The following FKBP5 variants were observed in gnomAD, a reference collection of about 807,000 sequenced individuals.
The protein encoded by FKBP5 is peptidyl-prolyl cis-trans isomerase FKBP5.
FKBP5 carries 23 observed loss-of-function variants against 50.5 expected under a neutral mutation model. The ratio of observed to expected loss-of-function variants is 0.46; its 90% CI spans 0.33 to 0.65. The LOEUF is 0.65. FKBP5 is among the 30% of genes least tolerant of loss of function. FKBP5 has a pLI of 0.02. For synonymous variants in FKBP5, 176 were observed against 190.6 expected, an observed-to-expected ratio of 0.92 and a Z score of 0.63; for missense variants, 411 against 553.1, an observed-to-expected ratio of 0.74 and a Z score of 2.58.
intron 3 of FKBP5, among the ~76,000 whole-genome samples, chr6:35,635,162 C>T (rs1363623058): frequency 6.6e-6 from 1 of 151,766 alleles, no homozygotes; most frequent in Admixed American, 6.6e-5. Context: ...TGGCAAAGCC[C>T]CATCTCTACA....
intron 5 of FKBP5, among the ~76,000 whole-genome samples, chr6:35,601,788 C>G (rs1199518946): frequency 6.6e-6 from 1 of 152,056 alleles, no homozygotes. Context: ...CTATGACATG[C>G]CCAAAGAGAA....
At chr6:35,614,094 A>G (rs1479094392) in intron 5 of FKBP5, among the ~76,000 whole-genome samples, 1 of 152,260 alleles carries the variant, frequency 6.6e-6, no homozygotes, top group South Asian at 2.1e-4. Flanking sequence ...CAAGGTCTCT[A>G]TGTTGCTCAG....
intron 5 of FKBP5, among the ~76,000 whole-genome samples, chr6:35,599,685 G>A (rs1262461994): frequency 6.6e-6 from 1 of 152,130 alleles, no homozygotes; most frequent in Admixed American, 6.5e-5. Flanking sequence ...CCAAACAAGG[G>A]CTAGAGTTGG....
chr6:35,726,681 T>A (rs1010768407), intron 1 of FKBP5, among the ~76,000 whole-genome samples: 2 of 152,142 alleles, frequency 1.3e-5, no homozygotes, highest in African/African-American at 4.8e-5. Context: ...ACACATTTGG[T>A]ACTCACCACC....
chr6:35,625,750 C>G (rs1763976999), intron 3 of FKBP5, among the ~76,000 whole-genome samples: 1 of 148,890 alleles, frequency 6.7e-6, no homozygotes, highest in Middle Eastern at 3.3e-3. Flanking sequence ...AAAAACACAC[C>G]AAGAATACAT....
chr6:35,696,511 C>A (rs78535242), intron 2 of FKBP5, among the ~76,000 whole-genome samples: 5 of 133,188 alleles, frequency 3.8e-5, no homozygotes, highest in African/African-American at 8.4e-5. Context: ...GACTCTGTCT[C>A]AAAAAAAAAA....
chr6:35,604,291 G>A (rs966035923), intron 5 of FKBP5, among the ~76,000 whole-genome samples: 1 of 152,132 alleles, frequency 6.6e-6, no homozygotes, highest in South Asian at 2.1e-4. Flanking sequence ...TTACAAGCGT[G>A]AGCCACCATG....
At chr6:35,629,874 C>A (rs376076289) in intron 3 of FKBP5, among the ~76,000 whole-genome samples, 1 of 152,284 alleles carries the variant, frequency 6.6e-6, no homozygotes, top group South Asian at 2.1e-4. Flanking sequence ...CTGGCTCACA[C>A]TTTTGGGGAC....
intron 1 of FKBP5, among the ~76,000 whole-genome samples, chr6:35,666,394 TAAAA>T (rs550878351): frequency 0.012 from 398 of 33,256 alleles, 9 homozygotes; most frequent in South Asian, 0.02. Context: ...CTATTATAGT[TAAAA>T]AAAAAAAAAA....
chr6:35,686,607 G>T (rs542390259), intron 1 of FKBP5, among the ~76,000 whole-genome samples: 2 of 152,192 alleles, frequency 1.3e-5, no homozygotes, highest in African/African-American at 4.8e-5. Context: ...ATGAATTATT[G>T]TTCAACCTAT....
chr6:35,581,562 C>T (rs1167959828), intron 8 of FKBP5: 3 of 984,306 alleles, frequency 3.0e-6, no homozygotes, highest in African/African-American at 3.5e-5. Context: ...TGCACTCCAG[C>T]CTGGGTGACA....
chr6:35,601,426 G>A (rs574333478), intron 5 of FKBP5, among the ~76,000 whole-genome samples: 1 of 152,306 alleles, frequency 6.6e-6, no homozygotes, highest in South Asian at 2.1e-4. Flanking sequence ...AAAGTTCTAC[G>A]AGACTGCTGA....
intron 3 of FKBP5, among the ~76,000 whole-genome samples, chr6:35,624,812 G>T (rs897979825): frequency 6.6e-6 from 1 of 152,090 alleles, no homozygotes; most frequent in African/African-American, 2.4e-5. Flanking sequence ...TCCACAGTTC[G>T]CATGGTGTGC....
chr6:35,575,472 T>TG lies in FKBP5; in HGVS notation c.*362dup, dbSNP rs1339310695. The TG allele has an allele frequency of 1.0e-5, 2 of 199,822 alleles. No individual in the cohort carries two copies. Among genetic ancestry groups the TG allele is most frequent in the East Asian group, 1.1e-4 (1 of 9,116 alleles). The allele number at this position is 199,822 out of a possible 1,614,324, so 12.4% of individuals were successfully genotyped here. A position where few individuals can be genotyped will look rare whatever the true frequency, so the allele number is the denominator to read the frequency against. Reference sequence around the variant, plus strand: ...TTTTTTAAAGGTTTCTGCAGTGCTATGAAAGTTCAAAGGTAAAACCTAACA... The same window carrying TG: ...TTTTTTAAAGGTTTCTGCAGTGCTATGGAAAGTTCAAAGGTAAAACCTAACA... On this transcript the variant is annotated 3_prime_UTR_variant, in exon 11 of 11. Transcript: ENST00000357266.
chr6:35,606,992 C>G (rs59885251), intron 5 of FKBP5, among the ~76,000 whole-genome samples: 1 of 152,160 alleles, frequency 6.6e-6, no homozygotes. Context: ...CCAGGCTGGA[C>G]TGCAGTGGCA....
At position 35,577,438 on chromosome 6, in the gene FKBP5, T is replaced by TGA. The variant is rs568310692; in HGVS notation, c.1027-207_1027-206dup. 2.8e-3 allele frequency among the ~76,000 whole-genome samples: 426 copies of TGA among 152,296 alleles called. 1 individual carries two copies. Among genetic ancestry groups the TGA allele is most frequent in the African/African-American group, 7.4e-3 (307 of 41,558 alleles). ...TTTCTAGAAAGATCCCAAGGAGATT[T>TGA]GAGAGGGGGCTCTTGAGAAGTTCAT... On this transcript the variant is annotated intron_variant, in intron 9 of 10. Coordinates refer to ENST00000357266, the MANE Select transcript of FKBP5 (RefSeq NM_004117.4).
intron 1 of FKBP5, chr6:35,651,974 C>G (rs1339846044): frequency 2.5e-6 from 1 of 393,638 alleles, no homozygotes; most frequent in African/African-American, 2.2e-5. Context: ...AACGGAGGAA[C>G]CGGCTGAAGC....
At chr6:35,648,503 T>A (rs567121299) in intron 1 of FKBP5, among the ~76,000 whole-genome samples, 1 of 152,220 alleles carries the variant, frequency 6.6e-6, no homozygotes, top group Admixed American at 6.5e-5. Context: ...CTTGAAGTGA[T>A]CCTGGGCTCA....
chr6:35,663,354 T>C (rs1215349601), intron 1 of FKBP5, among the ~76,000 whole-genome samples: 2 of 152,212 alleles, frequency 1.3e-5, no homozygotes, highest in Non-Finnish European at 1.5e-5. Context: ...GGCCTGACTG[T>C]GAAGGACCTT....
Sources: allele counts gnomAD v4.1 joint callset (sites outside exome capture counted in the v4.1 genomes callset), GRCh38; gene constraint gnomAD v4.1.1; transcripts MANE v1.5; gene names NCBI Gene and HGNC (gene_info 2026-07-23, HGNC 2026-07-21).